Variants in ZGPAT observed in about 807,000 individuals in gnomAD.
ZGPAT encodes the protein zinc finger CCCH-type with G patch domain-containing protein.
In ZGPAT, 39 loss-of-function variants were observed where a neutral mutation model predicts 47.9. The observed-to-expected ratio is 0.81, with a 90% CI of 0.63 to 1.06. ZGPAT has a LOEUF of 1.06. ZGPAT is among the 50% of genes least tolerant of loss of function. The probability of loss-of-function intolerance (pLI) is 0.00; values close to 1 mark genes in which losing one functional copy is unlikely to be tolerated. For synonymous variants in ZGPAT, 348 were observed against 292.9 expected (o/e 1.19, Z -1.92); for missense variants, 717 against 681.4 (o/e 1.05, Z -0.58).
At chr20:63,730,922 T>TCTC (rs2091891158) in intron 2 of ZGPAT, among the ~76,000 whole-genome samples, 1 of 124,532 alleles carries the variant, frequency 8.0e-6, no homozygotes, top group African/African-American at 2.9e-5. Context: ...TTCCTCTTCA[T>TCTC]TCTCTCTCTC....
At chr20:63,712,470 T>C (rs1348500818) in intron 2 of ZGPAT, among the ~76,000 whole-genome samples, 2 of 152,268 alleles carry the variant, frequency 1.3e-5, no homozygotes, top group Admixed American at 1.3e-4. Context: ...TTGTTTTGTT[T>C]CTGGATCCTT....
intron 2 of ZGPAT, among the ~76,000 whole-genome samples, chr20:63,722,689 A>G (rs1487996594): frequency 1.3e-5 from 2 of 151,820 alleles, no homozygotes; most frequent in Non-Finnish European, 2.9e-5. Context: ...CTGGAGTGCA[A>G]TGGTGTGATC....
At chr20:63,734,596 A>T in intron 4 of ZGPAT, 109 bp from the exon 5 acceptor site, 2 of 1,540,862 alleles carry the variant, frequency 1.3e-6, no homozygotes, top group South Asian at 1.2e-5. Flanking sequence ...GTCACCATGC[A>T]CAATCCTCTG....
At chr20:63,715,103 T>C (rs2145647263) in intron 2 of ZGPAT, among the ~76,000 whole-genome samples, 1 of 152,182 alleles carries the variant, frequency 6.6e-6, no homozygotes, top group South Asian at 2.1e-4. Flanking sequence ...TCTTTATTAT[T>C]ATTATTTTTG....
At chr20:63,726,090 C>T (rs6010632) in intron 2 of ZGPAT, among the ~76,000 whole-genome samples, 4,939 of 151,928 alleles carry the variant, frequency 0.033, 270 homozygotes, top group African/African-American at 0.11. Flanking sequence ...CCACCTGCCT[C>T]AGCCTCCCAA....
intron 4 of ZGPAT, chr20:63,734,067 C>G: frequency 3.0e-6 from 1 of 336,768 alleles, no homozygotes; most frequent in Non-Finnish European, 5.5e-6. Flanking sequence ...AGGGGCAGCT[C>G]CTCTGCATGG....
chr20:63,723,258 T>C (rs2091807862), intron 2 of ZGPAT, among the ~76,000 whole-genome samples: 1 of 143,392 alleles, frequency 7.0e-6, no homozygotes, highest in Non-Finnish European at 1.5e-5. Flanking sequence ...CTGACACAGC[T>C]CCATCCTCCC....
rs79416493 is a variant in ZGPAT at position 63,731,732 on chromosome 20, C to T, written c.585-1487C>T. On this transcript the variant is annotated intron_variant, in intron 2 of 6. Coordinates refer to ENST00000355969, the MANE Select transcript of ZGPAT (RefSeq NM_181485.3). Reference sequence around the variant, plus strand: ...GTGTGTGTGAGATTGTGTGTGCATACGTGTGTAAAGTGTACAGTTGGCCCT... The same window carrying T: ...GTGTGTGTGAGATTGTGTGTGCATATGTGTGTAAAGTGTACAGTTGGCCCT... Among the ~76,000 whole-genome samples the T allele has an allele frequency of 1.0e-3, 156 of 152,082 alleles. 1 individual carries two copies. Among genetic ancestry groups the T allele is most frequent in the African/African-American group, 3.7e-3 (153 of 41,446 alleles).
At position 63,717,332 on chromosome 20, in the gene ZGPAT, C is replaced by CTTTTTTTT. The variant is rs1173734420; in HGVS notation, c.584+8186_584+8193dup. ...TGATTTGAGATCTCTTTTTTCTTTT[C>CTTTTTTTT]TTTTTTTTTTTTTTTTTTTTTTTTT... On this transcript the variant is annotated intron_variant, in intron 2 of 6. Transcript: ENST00000355969. 5.1e-4 allele frequency among the ~76,000 whole-genome samples: 31 copies of CTTTTTTTT among 60,970 alleles called. 1 individual carries two copies. The highest frequency in any genetic ancestry group is 8.7e-4 in the South Asian group (1 of 1,152). 40.0% of individuals were successfully genotyped at this position (60,970 alleles called of 152,430 possible).
At chr20:63,713,184 G>C (rs1262697834) in intron 2 of ZGPAT, among the ~76,000 whole-genome samples, 1 of 150,404 alleles carries the variant, frequency 6.6e-6, no homozygotes, top group Non-Finnish European at 1.5e-5. Context: ...CAATTCTTCT[G>C]CTCAGCCTCC....
intron 2 of ZGPAT, among the ~76,000 whole-genome samples, chr20:63,709,953 C>T (rs1601313697): frequency 6.6e-6 from 1 of 152,012 alleles, no homozygotes; most frequent in Non-Finnish European, 1.5e-5. Context: ...CTCCGCCTCC[C>T]GGGTTCACGC....
At position 63,731,347 on chromosome 20, in the gene ZGPAT, TG is replaced by T. The variant is rs2091899254; in HGVS notation, c.585-1871del. 1.3e-4 allele frequency among the ~76,000 whole-genome samples: 4 copies of T among 31,350 alleles called. 1 individual carries two copies. The highest frequency in any genetic ancestry group is 1.2e-3 in the African/African-American group (4 of 3,440). 20.6% of individuals were successfully genotyped at this position (31,350 alleles called of 152,430 possible). A position where few individuals can be genotyped will look rare whatever the true frequency, so the allele number is the denominator to read the frequency against. On this transcript the variant is annotated intron_variant, in intron 2 of 6. Coordinates refer to ENST00000355969, the MANE Select transcript of ZGPAT (RefSeq NM_181485.3). ...ATGTGTAAAGTGTACAGTTGGCCCT[TG>T]TGTGTGTGAGATTGTGTATGTGCAT...
At chr20:63,730,684 A>G (rs1259609952) in intron 2 of ZGPAT, among the ~76,000 whole-genome samples, 2 of 152,006 alleles carry the variant, frequency 1.3e-5, no homozygotes, top group Non-Finnish European at 2.9e-5. Flanking sequence ...GGGTTTCTCC[A>G]TGTTGGCCAA....
chr20:63,731,699 G>T (rs2091905976), intron 2 of ZGPAT, among the ~76,000 whole-genome samples: 1 of 147,274 alleles, frequency 6.8e-6, no homozygotes, highest in African/African-American at 2.5e-5. Flanking sequence ...AAGTACAGTT[G>T]GCCCTTTGTG....
intron 2 of ZGPAT, among the ~76,000 whole-genome samples, chr20:63,725,713 A>G (rs536928930): frequency 7.1e-6 from 1 of 140,904 alleles, no homozygotes; most frequent in Admixed American, 7.0e-5. Context: ...CCCCTCTCTC[A>G]TCTCCTTTTG....
At chr20:63,719,927 A>C (rs981481564) in intron 2 of ZGPAT, among the ~76,000 whole-genome samples, 15 of 151,614 alleles carry the variant, frequency 9.9e-5, no homozygotes, top group Non-Finnish European at 2.1e-4. Context: ...TTTTTAGTAG[A>C]AACTGGGTTT....
chr20:63,733,060 GTA>G (rs1467137583), intron 2 of ZGPAT, among the ~76,000 whole-genome samples, 157 bp from the exon 3 acceptor site: 1 of 148,826 alleles, frequency 6.7e-6, no homozygotes, highest in African/African-American at 2.6e-5. Context: ...GTGTGCGTGT[GTA>G]TGTGTGTGCG....
At chr20:63,717,706 G>A (rs1212867509) in intron 2 of ZGPAT, among the ~76,000 whole-genome samples, 2 of 152,166 alleles carry the variant, frequency 1.3e-5, no homozygotes, top group Non-Finnish European at 2.9e-5. Flanking sequence ...AAGTAGCTGG[G>A]ACTACAGGTG....
At chr20:63,713,794 C>A (rs2091696473) in intron 2 of ZGPAT, among the ~76,000 whole-genome samples, 1 of 150,778 alleles carries the variant, frequency 6.6e-6, no homozygotes, top group Non-Finnish European at 1.5e-5. Flanking sequence ...TTGCTTGAAC[C>A]TGGGAGGCGG....
Sources: allele counts gnomAD v4.1 joint callset (sites outside exome capture counted in the v4.1 genomes callset), GRCh38; gene constraint gnomAD v4.1.1; transcripts MANE v1.5; gene names NCBI Gene and HGNC (gene_info 2026-07-23, HGNC 2026-07-21).